The following PRX variants were observed in gnomAD, a reference collection of about 807,000 sequenced individuals.
PRX encodes the protein periaxin.
In PRX, 24 loss-of-function variants were observed where a neutral mutation model predicts 29.6. That is an observed-to-expected ratio of 0.81 (90% CI 0.59 to 1.14). The LOEUF (loss-of-function observed/expected upper bound fraction) is 1.14. Among genes scored for constraint, PRX ranks in the 50% most tolerant of loss-of-function variants. The pLI, the probability that PRX is intolerant of heterozygous loss-of-function variation, is 0.00. For synonymous variants in PRX, 772 were observed against 831.7 expected (o/e 0.93, Z 1.24); for missense variants, 1,838 against 1,926.4 (o/e 0.95, Z 0.86).
At chr19:40,402,063 C>T (rs79394508) in intron 5 of PRX, among the ~76,000 whole-genome samples, 8,709 of 152,190 alleles carry the variant, frequency 0.057, 847 homozygotes, top group African/African-American at 0.2. Context: ...TTTAAAAATG[C>T]AGCTGTAGGC....
At chr19:40,409,983 C>T (rs1376899917) in intron 1 of PRX, among the ~76,000 whole-genome samples, 2 of 152,024 alleles carry the variant, frequency 1.3e-5, no homozygotes, top group Non-Finnish European at 1.5e-5. Flanking sequence ...AGGCTCCAGC[C>T]CTTTATCTGG....
intron 5 of PRX, among the ~76,000 whole-genome samples, chr19:40,399,761 C>T (rs2079474719): frequency 6.6e-6 from 1 of 152,152 alleles, no homozygotes; most frequent in African/African-American, 2.4e-5. Flanking sequence ...CCAGTCCAAT[C>T]TCAAATTCCT....
At position 40,394,930 on chromosome 19, in the gene PRX, G is replaced by C. The variant is rs201233076; in HGVS notation, c.3422C>G (p.Ala1141Gly). The change falls in exon 7 of 7, where the codon GCG becomes GGG. Residue 1141 changes from alanine to glycine, a missense_variant. Physicochemically the swap from Ala to Gly is moderately conservative, Grantham distance 60. This residue lies in a region of PRX where 1,143 missense variants were observed against 1,193.0 expected (regional missense o/e 0.96). Transcript: ENST00000324001. This position sits in a 1 kb window ranked among gnomAD's most constrained non-coding sequence, Gnocchi z 5.8. ...AGQVVTEGHD[A>G]GLRMPPLGIS... ...GCCCAGCGGAGGCATCCTCAGCCCCGCGTCATGGCCCTCAGTGACCACCTG... is the reference window on the plus strand; with the variant it reads ...GCCCAGCGGAGGCATCCTCAGCCCCCCGTCATGGCCCTCAGTGACCACCTG... 1 of 1,609,342 alleles carries C rather than the reference G, an allele frequency of 6.2e-7. No homozygotes were observed. The highest frequency in any genetic ancestry group is 1.7e-5 in the Admixed American group (1 of 59,986).
chr19:40,397,278 G>A lies in PRX; in HGVS notation c.1074C>T (p.Pro358=). ...CCCCAAATCGGGGAAAACTAAGGCG[G>A]GGCATCTTCAGGGCCACCTCAGGTG... ...GEAPEVALKM[P]RLSFPRFGAR... is the part of the protein sequence containing the mutation. Residue 358 remains proline, a synonymous_variant, in exon 7 of 7, where the codon CCC becomes CCT. Transcript: ENST00000324001. 6.2e-7 allele frequency: 1 copy of A among 1,613,566 alleles called. No homozygotes were observed. Among genetic ancestry groups the A allele is most frequent in the Non-Finnish European group, 8.5e-7 (1 of 1,180,028 alleles).
At chr19:40,399,973 GTCTT>G (rs1448328027) in intron 5 of PRX, among the ~76,000 whole-genome samples, 1 of 139,266 alleles carries the variant, frequency 7.2e-6, no homozygotes, top group Non-Finnish European at 1.6e-5. Context: ...CTGTCTGTCT[GTCTT>G]TCTTTTCTTT....
intron 1 of PRX, among the ~76,000 whole-genome samples, chr19:40,410,943 T>C (rs1010308023): frequency 6.6e-6 from 1 of 152,128 alleles, no homozygotes; most frequent in Non-Finnish European, 1.5e-5. Context: ...CTGATGGGTA[T>C]TGAGTGGTTA....
Position 40,397,430 on chromosome 19 carries a change from T to G in PRX, c.922A>C (p.Thr308Pro). ...TCCCGGGTCTCTAGGCAGGGAAGTG[T>G]GGGCAGAGTGGGCAGTGAGGGCAAG... ...PALPSLPTLP[T>P]LPCLETREGA... The change falls in exon 7 of 7, where the codon ACA (threonine) becomes CCA (proline). Residue 308 changes from threonine (T) to proline (P), a missense_variant. Transcript: ENST00000324001. 1 of 1,599,518 alleles carries G rather than the reference T, an allele frequency of 6.3e-7. No homozygotes were observed. Among genetic ancestry groups the G allele is most frequent in the African/African-American group, 1.3e-5 (1 of 74,462 alleles).
intron 5 of PRX, among the ~76,000 whole-genome samples, chr19:40,403,328 A>G (rs1350508970): frequency 6.6e-6 from 1 of 152,196 alleles, no homozygotes; most frequent in East Asian, 1.9e-4. Context: ...CCCAACAACA[A>G]AAACATTTAC....
intron 1 of PRX, among the ~76,000 whole-genome samples, chr19:40,408,717 G>A (rs897577784): frequency 3.9e-5 from 6 of 152,188 alleles, no homozygotes; most frequent in East Asian, 1.9e-4. Context: ...CTGCTGCCTC[G>A]GTCTCTGGGC....
chr19:40,403,921 C>A (rs2079514557), intron 4 of PRX, 59 bp from the exon 5 acceptor site: 1 of 1,569,786 alleles, frequency 6.4e-7, no homozygotes, highest in Non-Finnish European at 8.6e-7. Flanking sequence ...GCCCAGAGCC[C>A]GCCATTGCGC....
rs780270731 is a variant in PRX at position 40,395,999 on chromosome 19, T to C, written c.2353A>G (p.Lys785Glu). ...KLPRAPEVQL[K>E]ATKAEQAEGM... The stretch of plus-strand genomic sequence containing the variant: ...TCTGCCTGTTCTGCCTTGGTGGCCT[T>C]TAGCTGCACCTCCGGAGCCCTGGGC... Residue 785 changes from lysine to glutamate, a missense_variant, in exon 7 of 7, where the codon AAG becomes GAG. Around this residue, in one of 3 missense-constraint regions of PRX, gnomAD observed 1,143 missense variants for 1,193.0 expected, o/e 0.96. Transcript: ENST00000324001. 3.7e-6 allele frequency: 6 copies of C among 1,613,950 alleles called. No homozygotes were observed. The highest frequency in any genetic ancestry group is 8.5e-7 in the Non-Finnish European group (1 of 1,180,044).
intron 2 of PRX, 21 bp downstream of exon 2, chr19:40,408,319 A>G: frequency 2.5e-6 from 1 of 401,242 alleles, no homozygotes; most frequent in South Asian, 2.6e-5. Flanking sequence ...GGAGGGGCAT[A>G]TGGCACCAGC....
chr19:40,412,538 A>G (rs772616961), intron 1 of PRX, among the ~76,000 whole-genome samples: 5 of 152,214 alleles, frequency 3.3e-5, no homozygotes, highest in Non-Finnish European at 5.9e-5. Context: ...TGCTTCTCAC[A>G]GTGTTGCACA....
rs747471167 is a variant in PRX, at chr19:40,395,492, C to A, written c.2860G>T (p.Ala954Ser). 5.0e-6 allele frequency: 8 copies of A among 1,614,088 alleles called. No individual in the cohort carries two copies. In the Admixed American group the frequency reaches 1.3e-4, roughly 27 times the overall value. ...AATTTGGATACCTTCAGCTTGGTAG[C>A]TCGCCCAGCCCCCTCAGCCTCTGCC... ...AKAEAEGAGR[A>S]TKLKVSKFAI... The change falls in exon 7 of 7, where the codon GCT becomes TCT. Residue 954 changes from alanine (A) to serine (S), a missense_variant. Around this residue, in one of 3 missense-constraint regions of PRX, gnomAD observed 1,143 missense variants for 1,193.0 expected, o/e 0.96. Transcript: ENST00000324001.
chr19:40,402,246 A>C (rs932729456), intron 5 of PRX, among the ~76,000 whole-genome samples: 27 of 151,608 alleles, frequency 1.8e-4, no homozygotes, highest in African/African-American at 6.3e-4. Context: ...CCCAGTTACT[A>C]GGGAGGCTGA....
chr19:40,397,960 C>T lies in PRX; in HGVS notation c.392G>A (p.Ser131Asn), dbSNP rs781394276. The change falls in exon 7 of 7, where the codon AGT (serine) becomes AAT (asparagine). Residue 131 changes from serine (S) to asparagine (N), a missense_variant. Ser to Asn is a conservative substitution (Grantham distance 46). Transcript: ENST00000324001. The stretch of plus-strand genomic sequence containing the variant: ...CTTCTTCTTCTTCACAGGGGACAGA[C>T]TCTGGATGTTCTGGGGAGAGAGGAG... Reference protein sequence around the residue: ...RAKVAKLNIQSLSPVKKKKMV... With the variant: ...RAKVAKLNIQNLSPVKKKKMV... 34 of 1,610,290 alleles carry T rather than the reference C, an allele frequency of 2.1e-5. No homozygotes were observed. The Admixed American group carries it at 2.7e-4, about 13-fold the overall frequency.
rs77238923 is a variant in PRX at position 40,398,066 on chromosome 19, G to A, written c.382-96C>T. 1.0e-3 allele frequency: 1,521 copies of A among 1,479,530 alleles called. 12 individuals are homozygous for A. The African/African-American group carries it at 0.018, about 17-fold the overall frequency. 91.7% of individuals were successfully genotyped at this position (1,479,530 alleles called of 1,614,324 possible). A position where few individuals can be genotyped will look rare whatever the true frequency, so the allele number is the denominator to read the frequency against. On this transcript the variant is annotated intron_variant, in intron 6 of 6. Coordinates refer to ENST00000324001, the MANE Select transcript of PRX (RefSeq NM_181882.3). The surrounding 1 kb of genome is among the most constrained non-coding windows in gnomAD (Gnocchi z 6.3). ...CCTGGTATTGGACCAGGCGGGGGATGTGCTGGGTCAAGTATCTTGTTCCCC... is the reference window on the plus strand; with the variant it reads ...CCTGGTATTGGACCAGGCGGGGGATATGCTGGGTCAAGTATCTTGTTCCCC...
chr19:40,393,900 C>T lies in PRX; in HGVS notation c.*66G>A, dbSNP rs1164473612. 1 of 1,598,178 alleles carries T rather than the reference C, an allele frequency of 6.3e-7. No individual in the cohort carries two copies. Among genetic ancestry groups the T allele is most frequent in the African/African-American group, 1.3e-5 (1 of 74,966 alleles). On this transcript the variant is annotated 3_prime_UTR_variant, in exon 7 of 7. Transcript: ENST00000324001. ...CCCTCTTAGGGTTAGTGCTAGTTAT[C>T]ACACACACAACAGCGAGGGGGTAGA...
intron 5 of PRX, among the ~76,000 whole-genome samples, chr19:40,399,184 C>T (rs1157932570): frequency 6.6e-6 from 1 of 152,132 alleles, no homozygotes; most frequent in Admixed American, 6.5e-5. Context: ...CTCCATTCGC[C>T]TTCCTGTTCC....
Sources: gnomAD v4.1 joint callset for allele counts (sites outside exome capture counted in the v4.1 genomes callset) on GRCh38, gnomAD v4.1.1 for gene constraint, gnomAD v4.1.1 regional missense constraint, Gnocchi (gnomAD v3.1) non-coding constraint, MANE v1.5 for transcripts, NCBI Gene and HGNC (gene_info 2026-07-23, HGNC 2026-07-21) for gene names.